IL1RAPL1: variants seen among roughly 807,000 people sequenced by gnomAD.
IL1RAPL1 encodes the protein interleukin 1 receptor accessory protein like 1.
In IL1RAPL1, 3 loss-of-function variants were observed where a neutral mutation model predicts 48.4. That is an observed-to-expected ratio of 0.06 (90% CI 0.03 to 0.16). The LOEUF is 0.16. Among genes scored for constraint, IL1RAPL1 ranks in the 10% least tolerant of loss-of-function variants. The pLI is 1.00. For synonymous variants in IL1RAPL1, 185 were observed against 187.7 expected (o/e 0.99, Z 0.12); for missense variants, 349 against 530.6 (o/e 0.66, Z 3.36).
At chrX:28,679,772 G>A (rs1045550231) in intron 1 of IL1RAPL1, among the ~76,000 whole-genome samples, 1 of 111,682 alleles carries the variant, frequency 9.0e-6, no homozygotes, top group Non-Finnish European at 1.9e-5. Flanking sequence ...GACCATAAAT[G>A]TGTGGATTTA....
intron 6 of IL1RAPL1, among the ~76,000 whole-genome samples, chrX:29,760,193 A>C (rs1601811393): frequency 9.0e-6 from 1 of 111,448 alleles, no homozygotes; most frequent in Admixed American, 9.6e-5. Context: ...ATTGGTCCAG[A>C]TCTGGGGTGT....
rs34694649 is a variant in IL1RAPL1 at position 29,429,894 on chromosome X, G to GTGTGTGTGTGT, written c.703+30586_703+30587insTGTGTGTGTGT. 7.6e-3 allele frequency among the ~76,000 whole-genome samples: 643 copies of GTGTGTGTGTGT among 85,096 alleles called. 4 individuals carry two copies. The highest frequency in any genetic ancestry group is 0.01 in the Non-Finnish European group (466 of 45,425). 73.9% of individuals were successfully genotyped at this position (85,096 alleles called of 115,157 possible). A position where few individuals can be genotyped will look rare whatever the true frequency, so the allele number is the denominator to read the frequency against. On this transcript the variant is annotated intron_variant, in intron 5 of 10. Coordinates refer to ENST00000378993, the MANE Select transcript of IL1RAPL1 (RefSeq NM_014271.4). The stretch of plus-strand genomic sequence containing the variant: ...AGTGTATATATATGTGTGTGTGTGT[G>GTGTGTGTGTGT]GTGTGTGTGTGTGTGTGTGTGTGTG...
chrX:29,710,121 C>G (rs1395454175), intron 6 of IL1RAPL1, among the ~76,000 whole-genome samples: 3 of 111,454 alleles, frequency 2.7e-5, no homozygotes, highest in Admixed American at 9.6e-5. Context: ...GACTATTTCA[C>G]TTCTTCTGTT....
chrX:28,797,923 G>A (rs929937050), intron 2 of IL1RAPL1, among the ~76,000 whole-genome samples: 1 of 112,167 alleles, frequency 8.9e-6, no homozygotes, highest in Non-Finnish European at 1.9e-5. Context: ...GGCTGGGGAA[G>A]CCTCACAATC....
intron 2 of IL1RAPL1, among the ~76,000 whole-genome samples, chrX:29,181,356 G>A (rs1305491508): frequency 8.9e-6 from 1 of 111,743 alleles, no homozygotes; most frequent in African/African-American, 3.2e-5. Context: ...TCTCCATGGA[G>A]CTCTGAATAA....
At chrX:29,423,719 T>C (rs1246983965) in intron 5 of IL1RAPL1, among the ~76,000 whole-genome samples, 1 of 111,807 alleles carries the variant, frequency 8.9e-6, no homozygotes, top group Admixed American at 9.5e-5. Context: ...ATGTTAATCA[T>C]GATGATGATT....
At chrX:29,400,243 C>T (rs1933976841) in intron 5 of IL1RAPL1, among the ~76,000 whole-genome samples, 2 of 111,906 alleles carry the variant, frequency 1.8e-5, no homozygotes, top group Admixed American at 1.9e-4. Context: ...CCACAGCCTT[C>T]AGCATATTAG....
chrX:29,943,173 T>C (rs1026249001), intron 9 of IL1RAPL1, among the ~76,000 whole-genome samples: 4 of 111,979 alleles, frequency 3.6e-5, no homozygotes, highest in Non-Finnish European at 5.6e-5. Flanking sequence ...CCTTTCTTTT[T>C]CTTAAGTTTT....
intron 1 of IL1RAPL1, among the ~76,000 whole-genome samples, chrX:28,614,028 TC>T (rs1473790337): frequency 1.8e-5 from 2 of 111,993 alleles, no homozygotes; most frequent in African/African-American, 6.5e-5. Flanking sequence ...GTTTTTGTCT[TC>T]CTTTGATCAC....
At chrX:29,587,871 G>T (rs1329159386) in intron 5 of IL1RAPL1, among the ~76,000 whole-genome samples, 3 of 111,810 alleles carry the variant, frequency 2.7e-5, no homozygotes, top group Non-Finnish European at 5.6e-5. Context: ...GTGTACTGTC[G>T]AATGCCAAAT....
At chrX:29,131,716 C>T (rs1209267176) in intron 2 of IL1RAPL1, among the ~76,000 whole-genome samples, 2 of 111,761 alleles carry the variant, frequency 1.8e-5, no homozygotes, top group Non-Finnish European at 3.8e-5. Context: ...CTGATTCTTA[C>T]TCCAGTGAGT....
At chrX:28,802,267 C>T (rs7473604) in intron 2 of IL1RAPL1, among the ~76,000 whole-genome samples, 1,902 of 112,344 alleles carry the variant, frequency 0.017, 46 homozygotes, top group African/African-American at 0.058. Context: ...TTGTCAGTTT[C>T]AAATACCAAA....
chrX:29,419,190 G>T (rs932844025), intron 5 of IL1RAPL1, among the ~76,000 whole-genome samples: 3 of 111,786 alleles, frequency 2.7e-5, no homozygotes, highest in African/African-American at 9.8e-5. Context: ...TGAAACAAAG[G>T]CCAGGCAGTT....
chrX:29,254,491 G>A (rs1931721021), intron 2 of IL1RAPL1, among the ~76,000 whole-genome samples: 1 of 109,943 alleles, frequency 9.1e-6, no homozygotes, highest in African/African-American at 3.3e-5. Context: ...AGAGGGAGGA[G>A]AGGAGAAGGG....
At chrX:29,469,314 T>C (rs190071562) in intron 5 of IL1RAPL1, among the ~76,000 whole-genome samples, 3 of 112,285 alleles carry the variant, frequency 2.7e-5, no homozygotes, top group East Asian at 5.6e-4. Flanking sequence ...TTGACTTTGC[T>C]GGATGAACGA....
intron 2 of IL1RAPL1, among the ~76,000 whole-genome samples, chrX:29,056,831 GTTA>G (rs1245266677): frequency 9.0e-6 from 1 of 111,701 alleles, no homozygotes; most frequent in African/African-American, 3.3e-5. Flanking sequence ...AAAATTATTT[GTTA>G]TTTTAAGCCC....
intron 6 of IL1RAPL1, among the ~76,000 whole-genome samples, chrX:29,873,802 G>T (rs1357576936): frequency 1.8e-5 from 2 of 111,489 alleles, no homozygotes; most frequent in Non-Finnish European, 3.8e-5. Context: ...TGCCAACAAT[G>T]GATCCATTCT....
chrX:28,956,353 A>C (rs1924609211), intron 2 of IL1RAPL1, among the ~76,000 whole-genome samples: 1 of 109,007 alleles, frequency 9.2e-6, no homozygotes, highest in Non-Finnish European at 1.9e-5. Flanking sequence ...TTTCAGAGGG[A>C]ATGCTTCCAG....
At chrX:29,881,274 A>C (rs1932025904) in intron 6 of IL1RAPL1, among the ~76,000 whole-genome samples, 1 of 111,349 alleles carries the variant, frequency 9.0e-6, no homozygotes, top group Non-Finnish European at 1.9e-5. Flanking sequence ...AGGGAGCAGG[A>C]CACTGAATTG....
Sources: gnomAD v4.1 joint callset for allele counts (sites outside exome capture counted in the v4.1 genomes callset) on GRCh38, gnomAD v4.1.1 for gene constraint, MANE v1.5 for transcripts, NCBI Gene and HGNC (gene_info 2026-07-23, HGNC 2026-07-21) for gene names.